ADGRE1: variants seen among roughly 807,000 people sequenced by gnomAD.
The protein encoded by ADGRE1 is EGF-like module receptor 1.
ADGRE1 carries 82 observed loss-of-function variants against 102.7 expected under a neutral mutation model. The ratio of observed to expected loss-of-function variants is 0.80; its 90% CI spans 0.67 to 0.96. ADGRE1 has a LOEUF of 0.96. Ranked by LOEUF, ADGRE1 falls within the 40% of genes least tolerant of loss-of-function variation. The pLI, the probability that ADGRE1 is intolerant of heterozygous loss-of-function variation, is 0.00. For missense variants in ADGRE1, 1,032 were observed against 1,085.3 expected, an observed-to-expected ratio of 0.95 and a Z score of 0.69; for synonymous variants, 398 against 399.6, an observed-to-expected ratio of 1.00 and a Z score of 0.05.
intron 10 of ADGRE1, among the ~76,000 whole-genome samples, chr19:6,911,665 A>G (rs1053526633): frequency 6.6e-6 from 1 of 151,558 alleles, no homozygotes; most frequent in African/African-American, 2.4e-5. Flanking sequence ...GCACACACAT[A>G]CACATACATA....
intron 1 of ADGRE1, among the ~76,000 whole-genome samples, chr19:6,888,027 G>A (rs902309360): frequency 6.6e-6 from 1 of 152,186 alleles, no homozygotes; most frequent in Non-Finnish European, 1.5e-5. Flanking sequence ...TTTAAACATA[G>A]AGTGTATCCA....
intron 10 of ADGRE1, among the ~76,000 whole-genome samples, chr19:6,909,045 G>A (rs535233918): frequency 1.2e-4 from 18 of 151,516 alleles, no homozygotes; most frequent in East Asian, 5.8e-4. Flanking sequence ...GAAGCAGGAC[G>A]ATTGCTTGAA....
At chr19:6,915,926 A>C (rs141239076) in intron 11 of ADGRE1, among the ~76,000 whole-genome samples, 24 of 88,518 alleles carry the variant, frequency 2.7e-4, no homozygotes, top group Non-Finnish European at 5.9e-4. Flanking sequence ...GTCTCAAAAA[A>C]AAAAAAAAAA....
At chr19:6,911,660 CACATACACAT>C (rs1974192490) in intron 10 of ADGRE1, among the ~76,000 whole-genome samples, 3 of 151,452 alleles carry the variant, frequency 2.0e-5, no homozygotes, top group South Asian at 4.2e-4. Context: ...CATGCGCACA[CACATACACAT>C]ACATACAAAT....
chr19:6,925,477 G>T (rs1223701151), intron 15 of ADGRE1, among the ~76,000 whole-genome samples: 1 of 152,052 alleles, frequency 6.6e-6, no homozygotes, highest in Non-Finnish European at 1.5e-5. Context: ...TTTGTCCCCA[G>T]GGGAGACTTG....
intron 11 of ADGRE1, among the ~76,000 whole-genome samples, chr19:6,915,879 C>T (rs192364371): frequency 6.9e-6 from 1 of 144,610 alleles, no homozygotes; most frequent in Non-Finnish European, 1.5e-5. Context: ...CGAGATCGTG[C>T]CACTGCACAC....
At chr19:6,888,926 A>G (rs927825941) in intron 1 of ADGRE1, among the ~76,000 whole-genome samples, 6 of 152,162 alleles carry the variant, frequency 3.9e-5, no homozygotes, top group African/African-American at 1.4e-4. Context: ...GATAATCAGC[A>G]AAGAGTTGTG....
Position 6,924,836 on chromosome 19 carries a change from T to C in ADGRE1, c.1950T>C (p.Thr650=), listed in dbSNP as rs753729051. The C allele has an allele frequency of 5.6e-6, 9 of 1,614,076 alleles. No individual in the cohort carries two copies. The highest frequency in any genetic ancestry group is 7.6e-6 in the Non-Finnish European group (9 of 1,180,002). Residue 650 remains threonine, a synonymous_variant, in exon 15 of 21, where the codon ACT becomes ACC. Transcript: ENST00000312053. Reference sequence around the variant, plus strand: ...GCGTGTGTCTCCTCTTGGCGAAGACTCTCTTCCTCGCCGGTATACACAAGA... The same window carrying C: ...GCGTGTGTCTCCTCTTGGCGAAGACCCTCTTCCTCGCCGGTATACACAAGA... ...HLCVCLLLAK[T]LFLAGIHKTD...
At chr19:6,926,695 A>T in intron 16 of ADGRE1, 94 bp downstream of exon 16, 1 of 1,274,316 alleles carries the variant, frequency 7.8e-7, no homozygotes, top group Non-Finnish European at 1.1e-6. Context: ...CAGTAGCAGT[A>T]GTTGTGGCTA....
intron 5 of ADGRE1, 46 bp from the exon 6 acceptor site, chr19:6,901,829 T>A: frequency 6.2e-7 from 1 of 1,606,274 alleles, no homozygotes. Context: ...CTCTACTCCT[T>A]GCTTTCTCAT....
At chr19:6,939,910 T>C in intron 20 of ADGRE1, 114 bp from the exon 21 acceptor site, 1 of 1,201,640 alleles carries the variant, frequency 8.3e-7, no homozygotes, top group South Asian at 1.3e-5. Flanking sequence ...TGTTTATCCT[T>C]CTAGTCTTTG....
Position 6,911,792 on chromosome 19 carries a change from T to C in ADGRE1, c.1123-1861T>C, listed in dbSNP as rs920700836. Reference sequence around the variant, plus strand: ...ACATATACATATGCATATACACATATAACATACATACACATGCACACATAC... The same window carrying C: ...ACATATACATATGCATATACACATACAACATACATACACATGCACACATAC... On this transcript the variant is annotated intron_variant, in intron 10 of 20. Coordinates refer to ENST00000312053, the MANE Select transcript of ADGRE1 (RefSeq NM_001974.5). 7.5e-5 allele frequency among the ~76,000 whole-genome samples: 6 copies of C among 79,902 alleles called. 1 individual carries two copies. The highest frequency in any genetic ancestry group is 1.3e-4 in the African/African-American group (4 of 31,538). The allele number at this position is 79,902 out of a possible 152,430, so 52.4% of individuals were successfully genotyped here.
intron 6 of ADGRE1, 69 bp downstream of exon 6, chr19:6,902,090 G>C (rs1973784543): frequency 1.3e-6 from 2 of 1,576,300 alleles, no homozygotes; most frequent in South Asian, 2.3e-5. Flanking sequence ...AGGGGATTAG[G>C]GTGGGTCTTG....
At chr19:6,895,375 G>C (rs1188240490) in intron 2 of ADGRE1, 1 of 152,244 alleles carries the variant, frequency 6.6e-6, no homozygotes, top group Non-Finnish European at 1.5e-5. Context: ...TTATAAGGAA[G>C]AGGGTGGAAT....
intron 10 of ADGRE1, among the ~76,000 whole-genome samples, chr19:6,911,729 T>C (rs1220841393): frequency 6.6e-6 from 1 of 150,982 alleles, no homozygotes; most frequent in African/African-American, 2.4e-5. Flanking sequence ...CTCCCCCACA[T>C]GCACACACAT....
Position 6,924,683 on chromosome 19 carries a change from C to A in ADGRE1, c.1797C>A (p.Asp599Glu). The A allele has an allele frequency of 1.2e-6, 2 of 1,613,676 alleles. No homozygotes were observed. Among genetic ancestry groups the A allele is most frequent in the Non-Finnish European group, 1.7e-6 (2 of 1,179,670 alleles). Residue 599 changes from aspartate (D) to glutamate (E), a missense_variant, in exon 15 of 21, where the codon GAC becomes GAA. Physicochemically the swap from Asp to Glu is conservative, Grantham distance 45. Coordinates refer to ENST00000312053, the MANE Select transcript of ADGRE1 (RefSeq NM_001974.5). The part of the protein sequence containing the change: ...VIMASGELTM[D>E]FSLYIISHVG... Reference sequence around the variant, plus strand: ...CTGAAATTCCTTCCTGACAGATGGACTTTTCCTTGTACATCATTAGCCATG... The same window carrying A: ...CTGAAATTCCTTCCTGACAGATGGAATTTTCCTTGTACATCATTAGCCATG...
chr19:6,915,907 T>A (rs1259602166), intron 11 of ADGRE1, among the ~76,000 whole-genome samples: 1 of 113,912 alleles, frequency 8.8e-6, no homozygotes, highest in African/African-American at 3.4e-5. Context: ...AGTGACAGAG[T>A]GAGACTCCGT....
rs1246780625 is a variant in ADGRE1 at position 6,940,275 on chromosome 19, T to G, written c.*246T>G. ...CTCTGCAACTTCTTCAATTCCAGAG[T>G]TTCTGAGAACAGACCCAAATTCAAT... On this transcript the variant is annotated 3_prime_UTR_variant, in exon 21 of 21. Coordinates refer to ENST00000312053, the MANE Select transcript of ADGRE1 (RefSeq NM_001974.5). The G allele has an allele frequency of 1.7e-6, 1 of 583,512 alleles. No individual in the cohort carries two copies. The highest frequency in any genetic ancestry group is 3.0e-6 in the Non-Finnish European group (1 of 329,212). The allele number at this position is 583,512 out of a possible 1,614,324, so 36.1% of individuals were successfully genotyped here. A position where few individuals can be genotyped will look rare whatever the true frequency, so the allele number is the denominator to read the frequency against.
chr19:6,914,823 T>G (rs1974316864), intron 11 of ADGRE1, among the ~76,000 whole-genome samples: 1 of 152,084 alleles, frequency 6.6e-6, no homozygotes, highest in South Asian at 2.1e-4. Context: ...TCAGAGTAAG[T>G]CTCATTGGGG....
Sources: allele counts gnomAD v4.1 joint callset (sites outside exome capture counted in the v4.1 genomes callset), GRCh38; gene constraint gnomAD v4.1.1; transcripts MANE v1.5; gene names NCBI Gene and HGNC (gene_info 2026-07-23, HGNC 2026-07-21).